The following ZNF106 variants were observed in gnomAD, a reference collection of about 807,000 sequenced individuals.
ZNF106 encodes the protein zinc finger protein 106, also known as SH3-domain binding protein 3.
A neutral mutation model predicts 195.1 loss-of-function variants in ZNF106; 67 were observed. The ratio of observed to expected loss-of-function variants is 0.34; its 90% confidence interval spans 0.28 to 0.42. The LOEUF (loss-of-function observed/expected upper bound fraction) is 0.42. ZNF106 is among the 10% of genes least tolerant of loss of function. The pLI is 1.00. For missense variants in ZNF106, 2,118 were observed against 2,304.5 expected (o/e 0.92, Z 1.66); for synonymous variants, 784 against 818.6 (o/e 0.96, Z 0.72).
chr15:42,473,603 T>C (rs1179253020), intron 1 of ZNF106, among the ~76,000 whole-genome samples: 1 of 152,192 alleles, frequency 6.6e-6, no homozygotes, highest in East Asian at 1.9e-4. Context: ...GGAGAGGCCC[T>C]GCCTAACCCT....
In ZNF106 at chr15:42,414,594, C is replaced by A. The variant is rs1297647901; in HGVS notation, c.*2710G>T. Reference sequence around the variant, plus strand: ...AGCGAAGTCCAAATCAGAGTTCTTACCGATTCTACCACTCTGTAATACTCT... The same window carrying A: ...AGCGAAGTCCAAATCAGAGTTCTTAACGATTCTACCACTCTGTAATACTCT... On this transcript the variant is annotated 3_prime_UTR_variant, in exon 22 of 22. Transcript: ENST00000564754. 6.6e-6 allele frequency: 1 copy of A among 152,326 alleles called. No homozygotes were observed. The highest frequency in any genetic ancestry group is 2.4e-5 in the African/African-American group (1 of 41,472). 9.4% of individuals were successfully genotyped at this position (152,326 alleles called of 1,614,324 possible).
At chr15:42,482,826 G>A (rs559434447) in intron 1 of ZNF106, among the ~76,000 whole-genome samples, 1 of 152,178 alleles carries the variant, frequency 6.6e-6, no homozygotes, top group Admixed American at 6.5e-5. Flanking sequence ...ACCGCGCCCG[G>A]CAAAATCCTC....
chr15:42,488,321 T>G (rs2057061663), intron 1 of ZNF106, among the ~76,000 whole-genome samples: 1 of 152,208 alleles, frequency 6.6e-6, no homozygotes. Flanking sequence ...GGTCACTCAA[T>G]ATTAGCACAT....
In ZNF106 at chr15:42,428,041, T is replaced by G; in HGVS notation, c.4975A>C (p.Thr1659Pro). ...ACCTTTATGTTGAAGGTGACCACAG[T>G]GCCATTTGCCAGTCCCGCATAGAGG... ...RILYAGLANG[T>P]VVTFNIKNNK... Residue 1659 changes from threonine to proline, a missense_variant, in exon 15 of 22, where the codon ACT becomes CCT. Coordinates refer to ENST00000564754, the MANE Select transcript of ZNF106 (RefSeq NM_001366845.3). 6.2e-7 allele frequency: 1 copy of G among 1,614,070 alleles called. No homozygotes were observed.
At chr15:42,475,434 T>G (rs1238353463) in intron 1 of ZNF106, among the ~76,000 whole-genome samples, 1 of 151,862 alleles carries the variant, frequency 6.6e-6, no homozygotes, top group Non-Finnish European at 1.5e-5. Context: ...ACAGCGAGAC[T>G]CTGTCTCAAA....
At chr15:42,475,696 T>C (rs1489599558) in intron 1 of ZNF106, among the ~76,000 whole-genome samples, 2 of 152,340 alleles carry the variant, frequency 1.3e-5, no homozygotes, top group East Asian at 3.9e-4. Flanking sequence ...AATTACTACT[T>C]ACATGCGTTA....
intron 1 of ZNF106, among the ~76,000 whole-genome samples, chr15:42,486,186 T>C (rs2057012260): frequency 6.6e-6 from 1 of 151,968 alleles, no homozygotes; most frequent in African/African-American, 2.4e-5. Context: ...GCTAGATCCC[T>C]TGACCTCGTG....
At position 42,441,192 on chromosome 15, in the gene ZNF106, A is replaced by G. The variant is rs993682759; in HGVS notation, c.3763+881T>C. On this transcript the variant is annotated intron_variant, in intron 10 of 21. Transcript: ENST00000564754. ...TCTACTTAAAAAAAAAAAAAAAAAA[A>G]ATTAGCCGGGCATGGTGGCAGGCAT... 3.9e-3 allele frequency among the ~76,000 whole-genome samples: 578 copies of G among 147,880 alleles called. 4 individuals are homozygous for G. The highest frequency in any genetic ancestry group is 0.014 in the African/African-American group (557 of 40,552).
intron 14 of ZNF106, among the ~76,000 whole-genome samples, chr15:42,430,195 G>A (rs554651536): frequency 3.3e-5 from 5 of 152,184 alleles, no homozygotes; most frequent in South Asian, 2.1e-4. Context: ...AAGACTACAC[G>A]TTAGAACCCT....
intron 2 of ZNF106, among the ~76,000 whole-genome samples, chr15:42,471,996 C>T (rs893038027): frequency 1.8e-4 from 27 of 151,972 alleles, no homozygotes; most frequent in African/African-American, 6.0e-4. Context: ...GTTTTGAATA[C>T]GCTCAAATTC....
intron 20 of ZNF106, among the ~76,000 whole-genome samples, chr15:42,420,581 G>C (rs1359561922): frequency 6.6e-6 from 1 of 151,662 alleles, no homozygotes; most frequent in Non-Finnish European, 1.5e-5. Flanking sequence ...ACCATTGTTA[G>C]AACTGACGAA....
Position 42,451,933 on chromosome 15 carries a change from G to C in ZNF106, c.339C>G (p.Ser113Arg). ...TGTCATCAGAGTTTATTTCTTGGTT[G>C]CTATTGGAAGGTTCATCTTGTCTGG... The part of the protein sequence containing the change: ...EQSRQDEPSN[S>R]NQEINSDDRR... Residue 113 changes from serine (S) to arginine (R), a missense_variant, in exon 5 of 22, where the codon AGC (serine) becomes AGG (arginine). By Grantham distance (110) the Ser-to-Arg change is moderately radical. Coordinates refer to ENST00000564754, the MANE Select transcript of ZNF106 (RefSeq NM_001366845.3). The C allele has an allele frequency of 6.2e-7, 1 of 1,610,162 alleles. No individual in the cohort carries two copies. The highest frequency in any genetic ancestry group is 2.2e-5 in the East Asian group (1 of 44,824).
In ZNF106 at chr15:42,424,866, C is replaced by G; in HGVS notation, c.5158G>C (p.Glu1720Gln). 6.2e-7 allele frequency: 1 copy of G among 1,614,108 alleles called. No homozygotes were observed. Among genetic ancestry groups the G allele is most frequent in the Non-Finnish European group, 8.5e-7 (1 of 1,180,012 alleles). ...ARNGLLLRTL[E>Q]GHSKTILCMK... ...CAAAGAATGGTTTTGCTATGGCCCT[C>G]CAGAGTTCTGAGGAGCAGTCCATTC... The change falls in exon 16 of 22, where the codon GAG (glutamate) becomes CAG (glutamine). Residue 1720 changes from glutamate (E) to glutamine (Q), a missense_variant. Physicochemically the swap from Glu to Gln is conservative, Grantham distance 29. Transcript: ENST00000564754.
intron 1 of ZNF106, among the ~76,000 whole-genome samples, chr15:42,480,686 T>G (rs1314456477): frequency 6.6e-6 from 1 of 152,188 alleles, no homozygotes; most frequent in Non-Finnish European, 1.5e-5. Flanking sequence ...CTCTTTACTG[T>G]GTTAAAAAGT....
At position 42,419,677 on chromosome 15, in the gene ZNF106, C is replaced by A. The variant is rs567447897; in HGVS notation, c.5517+1384G>T. Among the ~76,000 whole-genome samples the A allele has an allele frequency of 2.6e-5, 4 of 152,318 alleles. No individual in the cohort carries two copies. The East Asian group carries it at 7.7e-4, about 29-fold the overall frequency. On this transcript the variant is annotated intron_variant, in intron 20 of 21. Transcript: ENST00000564754. ...TTTCTTAAAAGTAATGCAGGCCGGG[C>A]ACTGTGGCTCACGCCTGTCATCCCA...
rs1491544217 is a variant in ZNF106, at chr15:42,415,120, C to CTA, written c.*2183_*2184insTA. 4.8e-6 allele frequency: 1 copy of CTA among 207,414 alleles called. No homozygotes were observed. The highest frequency in any genetic ancestry group is 2.6e-5 in the African/African-American group (1 of 39,064). 12.8% of individuals were successfully genotyped at this position (207,414 alleles called of 1,614,324 possible). ...GGCCATTCATTATCTCCTAGATTAA[C>CTA]TCTTTTTTTTTTTTTTTTGAGGTGG... On this transcript the variant is annotated 3_prime_UTR_variant, in exon 22 of 22. Transcript: ENST00000564754.
intron 1 of ZNF106, among the ~76,000 whole-genome samples, chr15:42,490,600 C>A (rs1425430238): frequency 6.6e-6 from 1 of 152,226 alleles, no homozygotes; most frequent in Non-Finnish European, 1.5e-5. Flanking sequence ...GGTTGTCAGT[C>A]GCGAGAGGTT....
Position 42,450,721 on chromosome 15 carries a change from A to T in ZNF106, c.1551T>A (p.Thr517=), listed in dbSNP as rs764369080. ...TGTAAGGACCATGGTTATCTTCCACAGTGGGCTTGTTCGAGGGATTTGAGT... is the reference window on the plus strand; with the variant it reads ...TGTAAGGACCATGGTTATCTTCCACTGTGGGCTTGTTCGAGGGATTTGAGT... ...GEHSNPSNKP[T]VEDNHGPYIS... The change falls in exon 5 of 22, where the codon ACT becomes ACA. Residue 517 remains threonine (T), a synonymous_variant. Transcript: ENST00000564754. 22 of 1,614,070 alleles carry T rather than the reference A, an allele frequency of 1.4e-5. No individual in the cohort carries two copies. Among genetic ancestry groups the T allele is most frequent in the Non-Finnish European group, 3.4e-6 (4 of 1,180,044 alleles).
In ZNF106 at chr15:42,439,503, T is replaced by C. The variant is rs149476216; in HGVS notation, c.4074A>G (p.Gln1358=). 9.6e-5 allele frequency: 155 copies of C among 1,614,066 alleles called. No individual in the cohort carries two copies. Among genetic ancestry groups the C allele is most frequent in the Non-Finnish European group, 1.3e-4 (148 of 1,180,044 alleles). Reference sequence around the variant, plus strand: ...CTGATGTCAAAGTGGATTCTGCCTGTTGTTCAGGCTGGTCAGCTGGAGAGT... The same window carrying C: ...CTGATGTCAAAGTGGATTCTGCCTGCTGTTCAGGCTGGTCAGCTGGAGAGT... ...EPHSPADQPE[Q]QAESTLTSAE... is the part of the protein sequence containing the mutation. The change falls in exon 11 of 22, where the codon CAA becomes CAG. Residue 1358 remains glutamine (Q), a synonymous_variant. Transcript: ENST00000564754.
Sources: gnomAD v4.1 joint callset for allele counts (sites outside exome capture counted in the v4.1 genomes callset) on GRCh38, gnomAD v4.1.1 for gene constraint, MANE v1.5 for transcripts, NCBI Gene and HGNC (gene_info 2026-07-23, HGNC 2026-07-21) for gene names.